Variants in IL1RAPL2 observed in about 807,000 individuals in gnomAD.
IL1RAPL2 encodes X-linked interleukin-1 receptor accessory protein-like 2.
A neutral mutation model predicts 44.1 loss-of-function variants in IL1RAPL2; 3 were observed. The ratio of observed to expected loss-of-function variants is 0.07; its 90% confidence interval spans 0.03 to 0.18. The LOEUF (loss-of-function observed/expected upper bound fraction) is 0.18, where lower values mean the gene tolerates loss of function less well. Ranked by LOEUF, IL1RAPL2 falls within the 10% of genes least tolerant of loss-of-function variation. The pLI, the probability that IL1RAPL2 is intolerant of heterozygous loss-of-function variation, is 1.00. For synonymous variants in IL1RAPL2, 181 were observed against 178.8 expected, an observed-to-expected ratio of 1.01 and a Z score of -0.10; for missense variants, 391 against 496.4, an observed-to-expected ratio of 0.79 and a Z score of 2.02.
At chrX:105,602,026 C>T (rs1398863192) in intron 6 of IL1RAPL2, among the ~76,000 whole-genome samples, 1 of 111,632 alleles carries the variant, frequency 9.0e-6, no homozygotes, top group Non-Finnish European at 1.9e-5. Flanking sequence ...GCTTCCATCA[C>T]CACTCCCCCT....
At chrX:105,197,615 T>C (rs1349891030) in intron 3 of IL1RAPL2, among the ~76,000 whole-genome samples, 2 of 111,670 alleles carry the variant, frequency 1.8e-5, no homozygotes, top group Admixed American at 1.9e-4. Context: ...GCATTTCCCC[T>C]ACTGTTTTAA....
intron 2 of IL1RAPL2, among the ~76,000 whole-genome samples, chrX:104,672,241 G>A (rs990453455): frequency 9.0e-6 from 1 of 111,106 alleles, no homozygotes; most frequent in Non-Finnish European, 1.9e-5. Flanking sequence ...AACTCCCAAT[G>A]CTATCCCTCC....
At chrX:105,335,942 AAC>A (rs2035024983) in intron 5 of IL1RAPL2, among the ~76,000 whole-genome samples, 1 of 112,222 alleles carries the variant, frequency 8.9e-6, no homozygotes, top group Admixed American at 9.5e-5. Flanking sequence ...TTTTTGTTCT[AAC>A]ACAGAGAAAT....
intron 5 of IL1RAPL2, among the ~76,000 whole-genome samples, chrX:105,300,547 A>C (rs1362629625): frequency 9.0e-6 from 1 of 111,316 alleles, no homozygotes; most frequent in Non-Finnish European, 1.9e-5. Context: ...TTTCAGTATG[A>C]TTTTGGGCAG....
intron 6 of IL1RAPL2, among the ~76,000 whole-genome samples, chrX:105,521,431 A>G (rs767322999): frequency 4.5e-5 from 5 of 111,754 alleles, no homozygotes; most frequent in Non-Finnish European, 7.5e-5. Context: ...AGCAATCTCT[A>G]AGTAAAATTA....
chrX:105,133,259 A>G (rs192825616), intron 2 of IL1RAPL2, among the ~76,000 whole-genome samples: 26 of 111,943 alleles, frequency 2.3e-4, no homozygotes, highest in African/African-American at 8.1e-4. Context: ...GATATGTAAC[A>G]TTATTTTTAT....
rs1235005957 is a variant in IL1RAPL2, at chrX:105,125,900, G to A, written c.83-69575G>A. Reference sequence around the variant, plus strand: ...AAATCAATCCTCTCTGAGAATAAAGGCAATAAATAAATAAATATGAAAATA... The same window carrying A: ...AAATCAATCCTCTCTGAGAATAAAGACAATAAATAAATAAATATGAAAATA... On this transcript the variant is annotated intron_variant, in intron 2 of 10. Coordinates refer to ENST00000372582, the MANE Select transcript of IL1RAPL2 (RefSeq NM_017416.2). Among the ~76,000 whole-genome samples the A allele has an allele frequency of 4.5e-5, 5 of 110,367 alleles. No homozygotes were observed. The East Asian group carries it at 1.4e-3, about 31-fold the overall frequency.
At chrX:105,380,321 A>G (rs746721675) in intron 5 of IL1RAPL2, among the ~76,000 whole-genome samples, 1 of 111,814 alleles carries the variant, frequency 8.9e-6, no homozygotes, top group East Asian at 2.8e-4. Flanking sequence ...ACTGTATTTT[A>G]CACCATGCTT....
chrX:104,864,532 T>C (rs1290315270), intron 2 of IL1RAPL2, among the ~76,000 whole-genome samples: 1 of 111,991 alleles, frequency 8.9e-6, no homozygotes, highest in Non-Finnish European at 1.9e-5. Context: ...ATGGTTAATA[T>C]TGAGTGTCAA....
intron 2 of IL1RAPL2, among the ~76,000 whole-genome samples, chrX:104,786,847 G>A (rs1357820166): frequency 9.2e-6 from 1 of 109,171 alleles, no homozygotes; most frequent in Non-Finnish European, 1.9e-5. Context: ...CCCAGACCAT[G>A]AAGGTTATGT....
chrX:105,012,418 C>T (rs1373476650), intron 2 of IL1RAPL2, among the ~76,000 whole-genome samples: 1 of 110,362 alleles, frequency 9.1e-6, no homozygotes, highest in Non-Finnish European at 1.9e-5. Context: ...GACATCAGGG[C>T]TTTCTAGGTT....
intron 10 of IL1RAPL2, among the ~76,000 whole-genome samples, chrX:105,765,986 T>C (rs1438800272): frequency 1.8e-5 from 2 of 112,535 alleles, no homozygotes; most frequent in Admixed American, 9.4e-5. Context: ...GTGTAGCACC[T>C]GTGTCTAAGT....
At chrX:105,149,143 C>T (rs1430212094) in intron 2 of IL1RAPL2, among the ~76,000 whole-genome samples, 1 of 111,919 alleles carries the variant, frequency 8.9e-6, no homozygotes, top group East Asian at 2.8e-4. Flanking sequence ...TCCTGTAGTA[C>T]GATGCTCTTA....
At chrX:104,912,866 A>T (rs1569341164) in intron 2 of IL1RAPL2, among the ~76,000 whole-genome samples, 1 of 112,465 alleles carries the variant, frequency 8.9e-6, no homozygotes, top group African/African-American at 3.2e-5. Context: ...TTGTGTAAGT[A>T]CCATGAGACT....
chrX:104,602,803 CT>C (rs1928912643), intron 1 of IL1RAPL2, among the ~76,000 whole-genome samples: 1 of 111,465 alleles, frequency 9.0e-6, no homozygotes, highest in South Asian at 3.9e-4. Context: ...GCAGGCATCT[CT>C]GAAAAAAAGG....
chrX:104,879,389 G>GAAAAAAAAAAAAAAAAAAAA (rs1923001959), intron 2 of IL1RAPL2, among the ~76,000 whole-genome samples: 1 of 31,217 alleles, frequency 3.2e-5, no homozygotes, highest in African/African-American at 1.8e-4. Context: ...AAAAAAGAGT[G>GAAAAAAAAAAAAAAAAAAAA]CAGAAAACAT....
chrX:105,042,228 G>A (rs1304484854), intron 2 of IL1RAPL2, among the ~76,000 whole-genome samples: 11 of 108,611 alleles, frequency 1.0e-4, no homozygotes, highest in African/African-American at 3.7e-4. Context: ...TTGACAAATG[G>A]GATCTAATTA....
At chrX:105,214,301 A>C (rs1367008389) in intron 3 of IL1RAPL2, among the ~76,000 whole-genome samples, 1 of 105,571 alleles carries the variant, frequency 9.5e-6, no homozygotes, top group African/African-American at 3.5e-5. Context: ...GGAAAGCAAA[A>C]AGAAGCAAGG....
At chrX:104,797,929 G>A (rs760622247) in intron 2 of IL1RAPL2, among the ~76,000 whole-genome samples, 2 of 112,023 alleles carry the variant, frequency 1.8e-5, no homozygotes, top group Non-Finnish European at 3.8e-5. Context: ...ACTGTGCTAA[G>A]CGCTTTCTCT....
Sources: allele counts gnomAD v4.1 joint callset (sites outside exome capture counted in the v4.1 genomes callset), GRCh38; gene constraint gnomAD v4.1.1; transcripts MANE v1.5; gene names NCBI Gene and HGNC (gene_info 2026-07-23, HGNC 2026-07-21).